ARHGAP22: variants seen among roughly 807,000 people sequenced by gnomAD.
ARHGAP22 encodes the protein Rho GTPase activating protein 22.
A neutral mutation model predicts 59.1 loss-of-function variants in ARHGAP22; 48 were observed. That is an observed-to-expected ratio of 0.81 (90% confidence interval 0.64 to 1.03). ARHGAP22 has a LOEUF of 1.03. Among genes scored for constraint, ARHGAP22 ranks in the 50% least tolerant of loss-of-function variants. The probability of loss-of-function intolerance (pLI) is 0.00; values close to 1 mark genes in which losing one functional copy is unlikely to be tolerated. For missense variants in ARHGAP22, 1,015 were observed against 958.7 expected (o/e 1.06, Z -0.78); for synonymous variants, 445 against 416.4 (o/e 1.07, Z -0.84).
downstream of ARHGAP22, among the ~76,000 whole-genome samples, chr10:48,443,101 G>A (rs1393933869): frequency 1.3e-5 from 2 of 152,126 alleles, no homozygotes; most frequent in Non-Finnish European, 2.9e-5. Context: ...GCTATGTAAG[G>A]TAATCATGTT....
At chr10:48,597,754 C>G (rs4838631) in intron 1 of ARHGAP22, among the ~76,000 whole-genome samples, 125,704 of 152,256 alleles carry the variant, frequency 0.83, 56,088 homozygotes, top group Non-Finnish European at 0.99. Context: ...GGCCATTCAC[C>G]AAGAGCCTGG....
Position 48,626,828 on chromosome 10 carries a change from A to C in ARHGAP22, c.52+25406T>G, listed in dbSNP as rs12414580. 3.7e-3 allele frequency among the ~76,000 whole-genome samples: 561 copies of C among 152,252 alleles called. 13 individuals are homozygous for C. Among genetic ancestry groups the C allele is most frequent in the Admixed American group, 0.032 (485 of 15,296 alleles). The stretch of plus-strand genomic sequence containing the variant: ...TTCAGAGAAAGCCCCTTTCAAAGGC[A>C]CCTGAGGCAAGGTTAAGGAGGTGAC... On this transcript the variant is annotated intron_variant, in intron 1 of 9. Coordinates refer to the ARHGAP22 transcript ENST00000435790.
At chr10:48,583,649 G>A (rs2135646989) in intron 1 of ARHGAP22, among the ~76,000 whole-genome samples, 1 of 152,332 alleles carries the variant, frequency 6.6e-6, no homozygotes, top group African/African-American at 2.4e-5. Context: ...TCCTCCTGGA[G>A]CTCACAGTCT....
intron 3 of ARHGAP22, among the ~76,000 whole-genome samples, chr10:48,508,436 C>T (rs968102198): frequency 3.3e-5 from 5 of 152,190 alleles, no homozygotes; most frequent in Non-Finnish European, 7.4e-5. Context: ...GCTGCCTAAG[C>T]CTTTCCCACC....
chr10:48,654,798 CTTTCTTTCTTTCTTTCTTTCTTTCTTT>C (rs1565068627), upstream of ARHGAP22, among the ~76,000 whole-genome samples: 44 of 139,472 alleles, frequency 3.2e-4, no homozygotes, highest in Admixed American at 1.5e-3. Context: ...TTCTTTCTTT[CTTTCTTTCTTTCTTTCTTTCTTTCTTT>C]CTTCCTTCCT....
At chr10:48,439,892 C>CAG in the ARHGAP22 span, among the ~76,000 whole-genome samples, 6 of 152,202 alleles carry the variant, frequency 3.9e-5, no homozygotes, top group Non-Finnish European at 5.9e-5. Flanking sequence ...CACCTGAACT[C>CAG]ACACTGCCCT....
chr10:48,586,539 C>G (rs115235449), intron 1 of ARHGAP22, among the ~76,000 whole-genome samples: 1 of 152,212 alleles, frequency 6.6e-6, no homozygotes, highest in Non-Finnish European at 1.5e-5. Context: ...GAATGGACCA[C>G]TCTCTGGCCC....
chr10:48,491,207 G>A (rs1564755798), intron 3 of ARHGAP22, among the ~76,000 whole-genome samples: 1 of 152,060 alleles, frequency 6.6e-6, no homozygotes, highest in African/African-American at 2.4e-5. Context: ...CTACTCCTGC[G>A]ACGTCATCTC....
chr10:48,568,040 T>C (rs1447683351), intron 2 of ARHGAP22, among the ~76,000 whole-genome samples: 1 of 152,238 alleles, frequency 6.6e-6, no homozygotes, highest in Non-Finnish European at 1.5e-5. Context: ...ATAATGATGA[T>C]TTCCTTGCTC....
chr10:48,568,927 C>T lies in ARHGAP22; in HGVS notation c.235-13377G>A, dbSNP rs2058226521. Among the ~76,000 whole-genome samples, 3 of 152,254 alleles carry T rather than the reference C, an allele frequency of 2.0e-5. No homozygotes were observed. In the South Asian group the frequency reaches 6.2e-4, roughly 32 times the overall value. ...CTCTGCCCACGAAGAACAGACCCAG[C>T]TACTCAGACTGGGAGCGCTGGTGCT... On this transcript the variant is annotated intron_variant, in intron 2 of 9. Coordinates refer to ENST00000249601, the MANE Select transcript of ARHGAP22 (RefSeq NM_021226.4).
intron 5 of ARHGAP22, among the ~76,000 whole-genome samples, chr10:48,456,382 C>T (rs554780239): frequency 8.5e-5 from 13 of 152,300 alleles, no homozygotes; most frequent in Admixed American, 5.2e-4. Flanking sequence ...CTCAGTGACT[C>T]TTGGTCTGGC....
At chr10:48,493,040 T>C (rs1324807145) in intron 3 of ARHGAP22, among the ~76,000 whole-genome samples, 1 of 152,218 alleles carries the variant, frequency 6.6e-6, no homozygotes, top group Non-Finnish European at 1.5e-5. Flanking sequence ...CATCTCAATT[T>C]GGACTAGCCA....
chr10:48,485,934 T>C (rs985053975), intron 3 of ARHGAP22, among the ~76,000 whole-genome samples: 3 of 152,220 alleles, frequency 2.0e-5, no homozygotes, highest in African/African-American at 7.2e-5. Context: ...TTTTATCCAA[T>C]CTGATAAGCT....
At chr10:48,508,769 C>T (rs1348881999) in intron 3 of ARHGAP22, among the ~76,000 whole-genome samples, 1 of 152,230 alleles carries the variant, frequency 6.6e-6, no homozygotes, top group East Asian at 1.9e-4. Flanking sequence ...CTGCCCAGGG[C>T]AGGGTACATT....
intron 4 of ARHGAP22, among the ~76,000 whole-genome samples, chr10:48,466,275 C>G (rs982470228): frequency 1.3e-5 from 2 of 151,848 alleles, no homozygotes; most frequent in East Asian, 1.9e-4. Context: ...CTGCGCCCCC[C>G]CCCAGACTCT....
chr10:48,581,962 G>A (rs1301282174), intron 2 of ARHGAP22, among the ~76,000 whole-genome samples: 1 of 152,208 alleles, frequency 6.6e-6, no homozygotes, highest in African/African-American at 2.4e-5. Flanking sequence ...TTAAAAGGAG[G>A]ATCCAAGTGT....
chr10:48,446,218 C>A lies in ARHGAP22; in HGVS notation c.*173G>T. ...ATGGTTGGAGCAGCATCTGATCCCACCTGGAGTGTGTGGGGTCCCAAAAGT... is the reference window on the plus strand; with the variant it reads ...ATGGTTGGAGCAGCATCTGATCCCAACTGGAGTGTGTGGGGTCCCAAAAGT... On this transcript the variant is annotated 3_prime_UTR_variant, in exon 10 of 10. Coordinates refer to ENST00000249601, the MANE Select transcript of ARHGAP22 (RefSeq NM_021226.4). The A allele has an allele frequency of 1.5e-6, 1 of 660,932 alleles. No individual in the cohort carries two copies. Among genetic ancestry groups the A allele is most frequent in the Non-Finnish European group, 2.6e-6 (1 of 388,132 alleles). The allele number at this position is 660,932 out of a possible 1,614,324, so 40.9% of individuals were successfully genotyped here. A position where few individuals can be genotyped will look rare whatever the true frequency, so the allele number is the denominator to read the frequency against.
At chr10:48,655,008 C>CTTTCTCTTTCTTTCTTTCTT (rs1554967984), upstream of ARHGAP22, among the ~76,000 whole-genome samples, 3 of 76,546 alleles carry the variant, frequency 3.9e-5, no homozygotes, top group Admixed American at 4.3e-4. Context: ...CTCTTTCTTT[C>CTTTCTCTTTCTTTCTTTCTT]TCTTTCTTTC....
chr10:48,435,162 A>C, the ARHGAP22 span: 3 of 670,318 alleles, frequency 4.5e-6, no homozygotes, highest in South Asian at 9.8e-5. Context: ...GTAGTAAAGT[A>C]GTTTATTTTT....
Sources: allele counts gnomAD v4.1 joint callset (sites outside exome capture counted in the v4.1 genomes callset), GRCh38; gene constraint gnomAD v4.1.1; transcripts MANE v1.5; gene names NCBI Gene and HGNC (gene_info 2026-07-23, HGNC 2026-07-21).